NSF: variants seen among roughly 807,000 people sequenced by gnomAD.
NSF encodes N-ethylmaleimide sensitive factor, vesicle fusing ATPase.
Under a neutral mutation model 50.3 loss-of-function variants are expected in NSF, and 14 were observed. The ratio of observed to expected loss-of-function variants is 0.28; its 90% CI spans 0.18 to 0.44. NSF has a LOEUF of 0.44. NSF is among the 20% of genes least tolerant of loss of function. The probability of loss-of-function intolerance (pLI) is 1.00; values close to 1 mark genes in which losing one functional copy is unlikely to be tolerated. For synonymous variants in NSF, 109 were observed against 175.7 expected (o/e 0.62, Z 3.00); for missense variants, 218 against 504.3 (o/e 0.43, Z 5.44).
intron 9 of NSF, among the ~76,000 whole-genome samples, chr17:46,687,499 T>G (rs2058505178): frequency 1.4e-5 from 2 of 144,672 alleles, no homozygotes; most frequent in Admixed American, 1.4e-4. Context: ...CCACCCTACA[T>G]GCAAGCAATA....
At chr17:46,728,786 CAAA>C in intron 16 of NSF, 66 bp from the exon 17 acceptor site, 1 of 859,918 alleles carries the variant, frequency 1.2e-6, no homozygotes, top group Non-Finnish European at 1.7e-6. Flanking sequence ...AAAAAAAAAA[CAAA>C]AACTGAATGT....
intron 15 of NSF, among the ~76,000 whole-genome samples, chr17:46,723,513 GAAAT>G (rs1276285479): frequency 6.6e-6 from 1 of 152,176 alleles, no homozygotes; most frequent in Non-Finnish European, 1.5e-5. Context: ...TCAAGAGACT[GAAAT>G]AAATATCCTA....
At chr17:46,745,057 T>C (rs2059113799) in intron 17 of NSF, among the ~76,000 whole-genome samples, 1 of 151,790 alleles carries the variant, frequency 6.6e-6, no homozygotes. Context: ...TTTTTTGCTT[T>C]CCGTCAAGGG....
chr17:46,745,037 CTG>C (rs1368183022), intron 17 of NSF, among the ~76,000 whole-genome samples: 4 of 35,384 alleles, frequency 1.1e-4, no homozygotes, highest in Admixed American at 4.4e-4. Context: ...GGTTATCACT[CTG>C]TGCTTTTTTT....
rs551086101 is a variant in NSF, at chr17:46,755,330, G to A, written c.2174G>A (p.Arg725His). The A allele has an allele frequency of 3.7e-6, 6 of 1,613,480 alleles. No individual in the cohort carries two copies. Among genetic ancestry groups the A allele is most frequent in the African/African-American group, 1.3e-5 (1 of 75,036 alleles). ...TGTATTTAGATGGATCCTGAATACC[G>A]TGTGAGAAAATTCTTGGCCCTCTTA... is the stretch of plus-strand genomic sequence containing the variant. ...EMSLQMDPEYRVRKFLALLRE... is the reference protein window; with the variant it reads ...EMSLQMDPEYHVRKFLALLRE... The change falls in exon 20 of 21, where the codon CGT (arginine) becomes CAT (histidine). Residue 725 changes from arginine to histidine, a missense_variant. Physicochemically the swap from Arg to His is conservative, Grantham distance 29. Coordinates refer to ENST00000398238, the MANE Select transcript of NSF (RefSeq NM_006178.4).
intron 18 of NSF, among the ~76,000 whole-genome samples, chr17:46,751,049 A>C (rs1386111204): frequency 1.3e-5 from 2 of 152,170 alleles, no homozygotes; most frequent in Non-Finnish European, 2.9e-5. Context: ...GGAGTCAGTA[A>C]AGCTTCTTAA....
intron 15 of NSF, chr17:46,722,223 G>A (rs566816143): frequency 7.9e-6 from 11 of 1,392,396 alleles, no homozygotes; most frequent in East Asian, 2.3e-5. Flanking sequence ...CAAATCTCGC[G>A]AGAGCACGTC....
chr17:46,707,677 C>T (rs2058669579), intron 13 of NSF, among the ~76,000 whole-genome samples: 1 of 152,040 alleles, frequency 6.6e-6, no homozygotes, highest in South Asian at 2.1e-4. Context: ...GCATAATGTC[C>T]TCAAGGGTCA....
intron 17 of NSF, among the ~76,000 whole-genome samples, chr17:46,749,381 C>T (rs947182140): frequency 3.9e-5 from 6 of 152,182 alleles, no homozygotes; most frequent in African/African-American, 1.4e-4. Context: ...GTACTAAAGC[C>T]TTGTAAAGCC....
intron 17 of NSF, among the ~76,000 whole-genome samples, chr17:46,744,622 A>G (rs573882411): frequency 1.0e-4 from 11 of 108,484 alleles, no homozygotes; most frequent in Admixed American, 7.8e-4. Flanking sequence ...TTATTTAGGG[A>G]AAAAAAAAAG....
chr17:46,666,070 A>G (rs1277416853), intron 8 of NSF, among the ~76,000 whole-genome samples: 2 of 150,816 alleles, frequency 1.3e-5, no homozygotes. Flanking sequence ...AAGAAAGGGC[A>G]GTGACCGCTT....
At chr17:46,626,049 TTTAAAACAG>T in intron 2 of NSF, among the ~76,000 whole-genome samples, 1 of 148,156 alleles carries the variant, frequency 6.7e-6, no homozygotes, top group Admixed American at 6.7e-5. Flanking sequence ...CACAAAATTT[TTTAAAACAG>T]TAAATATTGA....
At position 46,712,178 on chromosome 17, in the gene NSF, G is replaced by A. The variant is rs141825203; in HGVS notation, c.1627+1059G>A. Among the ~76,000 whole-genome samples the A allele has an allele frequency of 1.2e-4, 18 of 152,178 alleles. No individual in the cohort carries two copies. The East Asian group carries it at 3.5e-3, about 29-fold the overall frequency. ...GGTTTGAAGTATGTGGAGTAGTGTA[G>A]ATGGAGATAAGTAGACTAATTAGAA... On this transcript the variant is annotated intron_variant, in intron 14 of 20. Transcript: ENST00000398238.
chr17:46,723,111 G>T (rs1014037456), intron 15 of NSF, among the ~76,000 whole-genome samples: 1 of 152,210 alleles, frequency 6.6e-6, no homozygotes, highest in African/African-American at 2.4e-5. Flanking sequence ...CATGTAGCAA[G>T]TCATCATTAG....
In NSF at chr17:46,719,046, A is replaced by G. The variant is rs969239565; in HGVS notation, c.1761+5060A>G. 1.3e-5 allele frequency among the ~76,000 whole-genome samples: 2 copies of G among 152,220 alleles called. No individual in the cohort carries two copies. Among genetic ancestry groups the G allele is most frequent in the African/African-American group, 4.8e-5 (2 of 41,462 alleles). ...TAATTTACACTTGTAGCTTCACCAT[A>G]TAAGAGTATGAGTTTCTTGGGATTC... On this transcript the variant is annotated intron_variant, in intron 15 of 20. Transcript: ENST00000398238. The surrounding 1 kb of genome is among the most constrained non-coding windows in gnomAD (Gnocchi z 4.3).
At chr17:46,731,853 A>G (rs1318898843) in intron 17 of NSF, among the ~76,000 whole-genome samples, 2 of 152,198 alleles carry the variant, frequency 1.3e-5, no homozygotes, top group African/African-American at 4.8e-5. Context: ...TAATATTTGT[A>G]GTATTTCTAG....
chr17:46,610,115 CTCTCTCTCTCTT>C (rs1279482175), intron 1 of NSF, among the ~76,000 whole-genome samples: 11 of 121,216 alleles, frequency 9.1e-5, no homozygotes, highest in African/African-American at 2.8e-4. Context: ...CTCTCTCTCT[CTCTCTCTCTCTT>C]CCTTTCTTCC....
At chr17:46,725,729 T>C (rs570101870) in intron 15 of NSF, among the ~76,000 whole-genome samples, 31 of 152,204 alleles carry the variant, frequency 2.0e-4, no homozygotes, top group Admixed American at 1.6e-3. Context: ...ACTATCTTGG[T>C]GTGCTGAGGT....
At chr17:46,720,408 C>T (rs1457843561) in intron 15 of NSF, among the ~76,000 whole-genome samples, 1 of 151,804 alleles carries the variant, frequency 6.6e-6, no homozygotes, top group Non-Finnish European at 1.5e-5. Context: ...CTGTGGCTCA[C>T]GATATGAGAA....
Sources: allele counts gnomAD v4.1 joint callset (sites outside exome capture counted in the v4.1 genomes callset), GRCh38; gene constraint gnomAD v4.1.1; non-coding constraint Gnocchi (gnomAD v3.1); transcripts MANE v1.5; gene names NCBI Gene and HGNC (gene_info 2026-07-23, HGNC 2026-07-21).